Variants in SMCHD1 observed in about 807,000 individuals in gnomAD.
SMCHD1 encodes the protein structural maintenance of chromosomes flexible hinge domain-containing protein 1.
A neutral mutation model predicts 254.7 loss-of-function variants in SMCHD1; 78 were observed. The observed-to-expected ratio is 0.31, with a 90% confidence interval of 0.26 to 0.37. SMCHD1 has a LOEUF of 0.37. SMCHD1 is among the 10% of genes least tolerant of loss of function. The pLI is 1.00. For missense variants in SMCHD1, 1,840 were observed against 2,408.1 expected, an observed-to-expected ratio of 0.76 and a Z score of 4.94; for synonymous variants, 766 against 794.9, an observed-to-expected ratio of 0.96 and a Z score of 0.61.
intron 1 of SMCHD1, among the ~76,000 whole-genome samples, chr18:2,662,220 GAA>G (rs1351634092): frequency 7.7e-6 from 1 of 129,428 alleles, no homozygotes; most frequent in Non-Finnish European, 1.6e-5. Flanking sequence ...AAGAAAGAAA[GAA>G]AGAAAAAATA....
intron 7 of SMCHD1, among the ~76,000 whole-genome samples, chr18:2,690,727 G>A (rs966840420): frequency 1.4e-5 from 2 of 147,694 alleles, no homozygotes; most frequent in Non-Finnish European, 3.0e-5. Flanking sequence ...CAGGCAGTCC[G>A]CCCACCTCGG....
Position 2,772,259 on chromosome 18 carries a change from A to C in SMCHD1, c.5062A>C (p.Ile1688Leu). 1 of 1,594,020 alleles carries C rather than the reference A, an allele frequency of 6.3e-7. No individual in the cohort carries two copies. Among genetic ancestry groups the C allele is most frequent in the Non-Finnish European group, 8.5e-7 (1 of 1,173,234 alleles). Reference sequence around the variant, plus strand: ...TCTTTATAAATTATAGGTGCCACACATTGAAGCACTTCTGAAAAGAAAGCT... The same window carrying C: ...TCTTTATAAATTATAGGTGCCACACCTTGAAGCACTTCTGAAAAGAAAGCT... Reference protein sequence around the residue: ...DIPTTQQVPHIEALLKRKLSE... With the variant: ...DIPTTQQVPHLEALLKRKLSE... The change falls in exon 41 of 48, where the codon ATT (isoleucine) becomes CTT (leucine). Residue 1688 changes from isoleucine to leucine, a missense_variant. By Grantham distance (5) the Ile-to-Leu change is conservative (BLOSUM62 2). Coordinates refer to ENST00000320876, the MANE Select transcript of SMCHD1 (RefSeq NM_015295.3).
chr18:2,715,322 CT>C (rs2074772656), intron 17 of SMCHD1, among the ~76,000 whole-genome samples: 1 of 151,986 alleles, frequency 6.6e-6, no homozygotes, highest in African/African-American at 2.4e-5. Context: ...TTTATTTTGT[CT>C]GATTGATTAA....
chr18:2,680,917 G>A (rs533292411), intron 5 of SMCHD1, among the ~76,000 whole-genome samples: 3 of 152,158 alleles, frequency 2.0e-5, no homozygotes, highest in Non-Finnish European at 2.9e-5. Context: ...GTGTTCACTC[G>A]TTTACTGATT....
chr18:2,791,156 A>C (rs777168873), intron 45 of SMCHD1, among the ~76,000 whole-genome samples: 2 of 152,230 alleles, frequency 1.3e-5, no homozygotes, highest in Non-Finnish European at 2.9e-5. Flanking sequence ...GAACAACAAG[A>C]ATAAGTTTTA....
chr18:2,696,180 T>G (rs2074281156), intron 8 of SMCHD1, among the ~76,000 whole-genome samples: 1 of 152,196 alleles, frequency 6.6e-6, no homozygotes, highest in African/African-American at 2.4e-5. Context: ...GGTGTCAAAC[T>G]TACTAGTTTT....
At chr18:2,657,438 T>G (rs1202194379) in intron 1 of SMCHD1, among the ~76,000 whole-genome samples, 1 of 152,256 alleles carries the variant, frequency 6.6e-6, no homozygotes, top group Admixed American at 6.5e-5. Flanking sequence ...TGCTCATCTT[T>G]TTTGTTGAAT....
At chr18:2,708,445 T>A (rs1037702920) in intron 17 of SMCHD1, among the ~76,000 whole-genome samples, 34 of 152,146 alleles carry the variant, frequency 2.2e-4, no homozygotes, top group African/African-American at 8.0e-4. Flanking sequence ...GCAGGAAAAT[T>A]GCTTGAGCCC....
chr18:2,673,234 G>C lies in SMCHD1; in HGVS notation c.425-47G>C, dbSNP rs201332879. On this transcript the variant is annotated intron_variant, in intron 3 of 47. Coordinates refer to ENST00000320876, the MANE Select transcript of SMCHD1 (RefSeq NM_015295.3). ...CTTCTTCTTTGAACTTTTATATAAA[G>C]TATGTGGGAGGGAAAAGTTAAGCAA... 18 of 1,526,338 alleles carry C rather than the reference G, an allele frequency of 1.2e-5. No homozygotes were observed. In the East Asian group the frequency reaches 4.2e-4, roughly 35 times the overall value. The allele number at this position is 1,526,338 out of a possible 1,614,324, so 94.5% of individuals were successfully genotyped here.
intron 45 of SMCHD1, among the ~76,000 whole-genome samples, chr18:2,794,890 G>T (rs2076230470): frequency 6.6e-6 from 1 of 152,040 alleles, no homozygotes; most frequent in Non-Finnish European, 1.5e-5. Context: ...GTTGTTTTAT[G>T]GTCCTTTTCT....
At chr18:2,667,830 G>A (rs1339124758) in intron 3 of SMCHD1, among the ~76,000 whole-genome samples, 1 of 151,964 alleles carries the variant, frequency 6.6e-6, no homozygotes, top group Non-Finnish European at 1.5e-5. Context: ...ATATGTCTCT[G>A]TATATTTTGA....
intron 39 of SMCHD1, among the ~76,000 whole-genome samples, 161 bp from the exon 40 acceptor site, chr18:2,771,371 AT>A (rs1350772034): frequency 6.6e-6 from 1 of 152,170 alleles, no homozygotes; most frequent in Non-Finnish European, 1.5e-5. Context: ...GAGCCTTAAG[AT>A]GTATAGTTTA....
rs149936752 is a variant in SMCHD1, at chr18:2,800,787, A to T, written c.5994-1741A>T. 1.7e-3 allele frequency: 255 copies of T among 152,290 alleles called. 1 individual carries two copies. Among genetic ancestry groups the T allele is most frequent in the African/African-American group, 5.6e-3 (234 of 41,546 alleles). 9.4% of individuals were successfully genotyped at this position (152,290 alleles called of 1,614,324 possible). A position where few individuals can be genotyped will look rare whatever the true frequency, so the allele number is the denominator to read the frequency against. ...AATAGTAGAAGAAATTCCAGCTAGC[A>T]ATGTAATCCTCTTTCTTAAATGTAA... On this transcript the variant is annotated intron_variant, in intron 47 of 47. Coordinates refer to ENST00000320876, the MANE Select transcript of SMCHD1 (RefSeq NM_015295.3).
At chr18:2,708,470 A>G (rs2074573110) in intron 17 of SMCHD1, among the ~76,000 whole-genome samples, 1 of 152,082 alleles carries the variant, frequency 6.6e-6, no homozygotes, top group African/African-American at 2.4e-5. Flanking sequence ...GTTCGAGGCT[A>G]CAGTGAGCTA....
rs111570625 is a variant in SMCHD1, at chr18:2,700,946, A to G, written c.1647+28A>G. The G allele has an allele frequency of 3.0e-4, 439 of 1,448,470 alleles. 2 individuals are homozygous for G. In the African/African-American group the frequency reaches 5.7e-3, roughly 19 times the overall value. 89.7% of individuals were successfully genotyped at this position (1,448,470 alleles called of 1,614,324 possible). ...ATGATTTTTAAATATAAAGTTGTGAATATTTGCAAATGTTTTATTTTTAAG... is the reference window on the plus strand; with the variant it reads ...ATGATTTTTAAATATAAAGTTGTGAGTATTTGCAAATGTTTTATTTTTAAG... On this transcript the variant is annotated intron_variant, in intron 12 of 47. Transcript: ENST00000320876.
At chr18:2,657,922 A>G (rs761795707) in intron 1 of SMCHD1, among the ~76,000 whole-genome samples, 3 of 151,236 alleles carry the variant, frequency 2.0e-5, no homozygotes, top group Non-Finnish European at 2.9e-5. Flanking sequence ...AGCCAGGACT[A>G]CAGGTGAGCG....
intron 41 of SMCHD1, among the ~76,000 whole-genome samples, chr18:2,775,207 C>A (rs1042390427): frequency 2.3e-4 from 34 of 150,368 alleles, no homozygotes; most frequent in African/African-American, 8.0e-4. Flanking sequence ...GCCTCCTGAG[C>A]AGCAGAAGAA....
chr18:2,746,940 A>G (rs188251151), intron 29 of SMCHD1, among the ~76,000 whole-genome samples: 25 of 152,350 alleles, frequency 1.6e-4, no homozygotes, highest in Admixed American at 7.8e-4. Context: ...AAGCATTTTA[A>G]ATCAGCAAGA....
In SMCHD1 at chr18:2,767,584, C is replaced by CTTTTT. The variant is rs397858216; in HGVS notation, c.4720-2091_4720-2087dup. 9.2e-4 allele frequency among the ~76,000 whole-genome samples: 82 copies of CTTTTT among 89,244 alleles called. 4 individuals are homozygous for CTTTTT. The highest frequency in any genetic ancestry group is 9.6e-4 in the African/African-American group (21 of 21,766). 58.5% of individuals were successfully genotyped at this position (89,244 alleles called of 152,430 possible). ...TGGGCTATATATCACAACCTATTTC[C>CTTTTT]TTTTTTTTTTTTTTTTTTTTTTTGA... is the stretch of plus-strand genomic sequence containing the variant. On this transcript the variant is annotated intron_variant, in intron 37 of 47. Coordinates refer to ENST00000320876, the MANE Select transcript of SMCHD1 (RefSeq NM_015295.3).
Sources: allele counts gnomAD v4.1 joint callset (sites outside exome capture counted in the v4.1 genomes callset), GRCh38; gene constraint gnomAD v4.1.1; transcripts MANE v1.5; gene names NCBI Gene and HGNC (gene_info 2026-07-23, HGNC 2026-07-21).